STARD3: variants seen among roughly 807,000 people sequenced by gnomAD.
The protein encoded by STARD3 is StAR related lipid transfer domain containing 3.
Under a neutral mutation model 62.0 loss-of-function variants are expected in STARD3, and 39 were observed. The ratio of observed to expected loss-of-function variants is 0.63; its 90% confidence interval spans 0.49 to 0.82. STARD3 has a LOEUF of 0.82. Among genes scored for constraint, STARD3 ranks in the 40% least tolerant of loss-of-function variants. The pLI is 0.00. For synonymous variants in STARD3, 229 were observed against 242.4 expected, an observed-to-expected ratio of 0.94 and a Z score of 0.51; for missense variants, 543 against 584.5, an observed-to-expected ratio of 0.93 and a Z score of 0.73.
intron 13 of STARD3, 127 bp downstream of exon 13, chr17:39,661,212 C>A (rs2145046050): frequency 1.3e-6 from 1 of 777,076 alleles, no homozygotes; most frequent in East Asian, 2.7e-5. Context: ...CCCTGTCCCG[C>A]TGGGCTCTGC....
chr17:39,645,367 T>G (rs1040950030), intron 1 of STARD3, among the ~76,000 whole-genome samples: 1 of 152,138 alleles, frequency 6.6e-6, no homozygotes, highest in Non-Finnish European at 1.5e-5. Context: ...AATTGTAGAG[T>G]TCAGATTTGA....
At position 39,663,809 on chromosome 17, in the gene STARD3, T is replaced by C. The variant is rs1156315184; in HGVS notation, c.*901T>C. 6.6e-6 allele frequency among the ~76,000 whole-genome samples: 1 copy of C among 152,164 alleles called. No homozygotes were observed. Among genetic ancestry groups the C allele is most frequent in the Non-Finnish European group, 1.5e-5 (1 of 68,012 alleles). On this transcript the variant is annotated 3_prime_UTR_variant, in exon 15 of 15. Transcript: ENST00000336308. Reference sequence around the variant, plus strand: ...GGCAGTGCCCACAGCAAGCCTTGACTGTGTGGCCTGGAGATGGGGCCTGAG... The same window carrying C: ...GGCAGTGCCCACAGCAAGCCTTGACCGTGTGGCCTGGAGATGGGGCCTGAG...
Position 39,660,498 on chromosome 17 carries a change from T to C in STARD3, c.926T>C (p.Leu309Pro), listed in dbSNP as rs1209422034. The C allele has an allele frequency of 1.2e-6, 2 of 1,613,778 alleles. No individual in the cohort carries two copies. Among genetic ancestry groups the C allele is most frequent in the African/African-American group, 2.7e-5 (2 of 74,912 alleles). ...ATCCTGCAGCCCGAGAGGATGGTGCTGTGGAACAAGACAGTGACTGCCTGC... is the reference window on the plus strand; with the variant it reads ...ATCCTGCAGCCCGAGAGGATGGTGCCGTGGAACAAGACAGTGACTGCCTGC... ...EVILQPERMVLWNKTVTACQI... is the reference protein window; with the variant it reads ...EVILQPERMVPWNKTVTACQI... The change falls in exon 11 of 15, where the codon CTG becomes CCG. Residue 309 changes from leucine (L) to proline (P), a missense_variant. Physicochemically the swap from Leu to Pro is moderately conservative, Grantham distance 98 (BLOSUM62 -3). Coordinates refer to ENST00000336308, the MANE Select transcript of STARD3 (RefSeq NM_006804.4). This position sits in a 1 kb window ranked among gnomAD's most constrained non-coding sequence, Gnocchi z 4.8.
In STARD3 at chr17:39,658,405, C is replaced by G. The variant is rs770151437; in HGVS notation, c.430C>G (p.Leu144Val). Residue 144 changes from leucine to valine, a missense_variant and splice_region_variant, in exon 6 of 15, where the codon CTG (leucine) becomes GTG (valine). Coordinates refer to ENST00000336308, the MANE Select transcript of STARD3 (RefSeq NM_006804.4). The stretch of plus-strand genomic sequence containing the variant: ...GGAGCTCAGCCCCCTCCCTTCACAG[C>G]TGCTCAGCAAAGGGGCATTTGGCTA... Reference protein sequence around the residue: ...FLIVKVILSELLSKGAFGYLL... With the variant: ...FLIVKVILSEVLSKGAFGYLL... 12 of 1,613,482 alleles carry G rather than the reference C, an allele frequency of 7.4e-6. No individual in the cohort carries two copies. Among genetic ancestry groups the G allele is most frequent in the Non-Finnish European group, 1.0e-5 (12 of 1,179,460 alleles).
chr17:39,638,802 A>G (rs2056958734), intron 1 of STARD3, among the ~76,000 whole-genome samples: 1 of 152,228 alleles, frequency 6.6e-6, no homozygotes, highest in Non-Finnish European at 1.5e-5. Flanking sequence ...GGAATATTGT[A>G]TGTTTAGGTC....
At position 39,663,543 on chromosome 17, in the gene STARD3, G is replaced by C. The variant is rs1216706563; in HGVS notation, c.*635G>C. The stretch of plus-strand genomic sequence containing the variant: ...GAAGAGAAAGGCAGGCAGCAGCTTG[G>C]ATGAAGAGGGAAGACCCCTCACACA... On this transcript the variant is annotated 3_prime_UTR_variant, in exon 15 of 15. Coordinates refer to ENST00000336308, the MANE Select transcript of STARD3 (RefSeq NM_006804.4). 6.5e-6 allele frequency: 1 copy of C among 152,696 alleles called. No homozygotes were observed. The highest frequency in any genetic ancestry group is 1.5e-5 in the Non-Finnish European group (1 of 68,492). The allele number at this position is 152,696 out of a possible 1,614,324, so 9.5% of individuals were successfully genotyped here. A position where few individuals can be genotyped will look rare whatever the true frequency, so the allele number is the denominator to read the frequency against.
chr17:39,648,611 A>G (rs2057048756), intron 1 of STARD3, among the ~76,000 whole-genome samples: 1 of 152,132 alleles, frequency 6.6e-6, no homozygotes, highest in Non-Finnish European at 1.5e-5. Context: ...ACTCTGGGCC[A>G]GTGCTCTGCC....
Position 39,663,205 on chromosome 17 carries a change from G to C in STARD3, c.*297G>C. On this transcript the variant is annotated 3_prime_UTR_variant, in exon 15 of 15. Transcript: ENST00000336308. ...CCTTGCCAGGGCAGGGTCTGGGCTG[G>C]GCACCTGACTTGGCTGGGGAGGACC... 2.4e-6 allele frequency: 1 copy of C among 419,562 alleles called. No homozygotes were observed. Among genetic ancestry groups the C allele is most frequent in the Non-Finnish European group, 4.2e-6 (1 of 238,868 alleles). The allele number at this position is 419,562 out of a possible 1,614,324, so 26.0% of individuals were successfully genotyped here.
chr17:39,650,478 T>TGGGAGA, intron 1 of STARD3, among the ~76,000 whole-genome samples: 1 of 151,806 alleles, frequency 6.6e-6, no homozygotes, highest in Non-Finnish European at 1.5e-5. Context: ...ATGGCAGACA[T>TGGGAGA]GGGAGAGGGA....
At chr17:39,645,984 C>T (rs533841947) in intron 1 of STARD3, among the ~76,000 whole-genome samples, 1 of 142,158 alleles carries the variant, frequency 7.0e-6, no homozygotes, top group African/African-American at 2.6e-5. Context: ...CTTCGCCCCT[C>T]AGGTTCAATC....
At chr17:39,658,691 C>T (rs1373264073) in intron 6 of STARD3, 31 bp from the exon 7 acceptor site, 4 of 1,612,258 alleles carry the variant, frequency 2.5e-6, no homozygotes, top group Non-Finnish European at 3.4e-6. Flanking sequence ...GTGTAACTGT[C>T]CTCGGTCCGG....
Position 39,662,216 on chromosome 17 carries a change from TTCCAAAGTC to T in STARD3, c.1140-34_1140-26del, listed in dbSNP as rs751582475. 1.9e-6 allele frequency: 3 copies of T among 1,598,646 alleles called. No homozygotes were observed. In the Admixed American group the frequency reaches 5.1e-5, roughly 27 times the overall value. The stretch of plus-strand genomic sequence containing the variant: ...GGGGGGGTGTCAGGGCCTCACTCTG[TTCCAAAGTC>T]CCCCCAATGATGCCTCTTTCCATAG... On this transcript the variant is annotated intron_variant, in intron 13 of 14. Transcript: ENST00000336308.
Position 39,653,482 on chromosome 17 carries a change from C to T in STARD3, c.-50C>T. 6.3e-7 allele frequency: 1 copy of T among 1,582,040 alleles called. No individual in the cohort carries two copies. Among genetic ancestry groups the T allele is most frequent in the Non-Finnish European group, 8.6e-7 (1 of 1,168,000 alleles). ...ACTCTGCCTCTGCCTCGCCCCCAGC[C>T]CTGCTGCTGAGGCCGCGCCCTCCCC... On this transcript the variant is annotated splice_region_variant and 5_prime_UTR_variant, in exon 2 of 15. Transcript: ENST00000336308.
At position 39,659,476 on chromosome 17, in the gene STARD3, C is replaced by T. The variant is rs544183170; in HGVS notation, c.718C>T (p.Arg240Cys). ...TTCCGTCCAGGAGCGGGAGTACATC[C>T]GCCAGGGGAAGGAGGCCACGGCAGT... ...SFSAQEREYI[R>C]QGKEATAVVD... is the part of the protein sequence containing the mutation. Residue 240 changes from arginine to cysteine, a missense_variant, in exon 9 of 15, where the codon CGC becomes TGC. Coordinates refer to ENST00000336308, the MANE Select transcript of STARD3 (RefSeq NM_006804.4). The T allele has an allele frequency of 2.5e-5, 40 of 1,614,092 alleles. No homozygotes were observed. The highest frequency in any genetic ancestry group is 5.3e-5 in the African/African-American group (4 of 75,060).
At chr17:39,657,883 G>T in intron 4 of STARD3, 31 bp downstream of exon 4, 1 of 1,614,114 alleles carries the variant, frequency 6.2e-7, no homozygotes, top group Non-Finnish European at 8.5e-7. Flanking sequence ...CAGCTTCTGG[G>T]CCCTGGCAGG....
intron 14 of STARD3, 81 bp from the exon 15 acceptor site, chr17:39,662,723 C>A (rs767127393): frequency 7.5e-7 from 1 of 1,330,110 alleles, no homozygotes; most frequent in Non-Finnish European, 1.0e-6. Flanking sequence ...TGGCCCAGAG[C>A]CCCCCTGCTG....
intron 1 of STARD3, among the ~76,000 whole-genome samples, chr17:39,644,908 TGCC>T (rs1273111598): frequency 6.6e-6 from 1 of 151,208 alleles, no homozygotes; most frequent in Non-Finnish European, 1.5e-5. Context: ...TACTGAGAGC[TGCC>T]GTCGGTCAGC....
intron 13 of STARD3, 101 bp from the exon 14 acceptor site, chr17:39,662,150 C>G (rs557351907): frequency 9.4e-7 from 1 of 1,066,778 alleles, no homozygotes; most frequent in African/African-American, 1.6e-5. Context: ...CCAGCCCAGT[C>G]CCAGCTGGGC....
chr17:39,657,872 G>A lies in STARD3; in HGVS notation c.375+20G>A. 6.2e-7 allele frequency: 1 copy of A among 1,614,196 alleles called. No homozygotes were observed. Among genetic ancestry groups the A allele is most frequent in the Non-Finnish European group, 8.5e-7 (1 of 1,180,034 alleles). On this transcript the variant is annotated intron_variant, in intron 4 of 14. Coordinates refer to ENST00000336308, the MANE Select transcript of STARD3 (RefSeq NM_006804.4). ...ATTGCGGTAAGATGCCACTTTCCTG[G>A]CAGCTTCTGGGCCCTGGCAGGGCTG...
Sources: allele counts gnomAD v4.1 joint callset (sites outside exome capture counted in the v4.1 genomes callset), GRCh38; gene constraint gnomAD v4.1.1; non-coding constraint Gnocchi (gnomAD v3.1); transcripts MANE v1.5; gene names NCBI Gene and HGNC (gene_info 2026-07-23, HGNC 2026-07-21).